Variants in WDPCP observed in about 807,000 individuals in gnomAD.
WDPCP encodes WD repeat-containing and planar cell polarity effector protein fritz homolog.
In WDPCP, 71 loss-of-function variants were observed where a neutral mutation model predicts 93.1. That is an observed-to-expected ratio of 0.76 (90% confidence interval 0.63 to 0.93). WDPCP has a LOEUF of 0.93. Ranked by LOEUF, WDPCP falls within the 40% of genes least tolerant of loss-of-function variation. The pLI is 0.00. For synonymous variants in WDPCP, 315 were observed against 315.0 expected, an observed-to-expected ratio of 1.00 and a Z score of 0.00; for missense variants, 844 against 887.4, an observed-to-expected ratio of 0.95 and a Z score of 0.62.
intron 2 of WDPCP, among the ~76,000 whole-genome samples, chr2:63,689,380 GTTTTCTCCACTGAAAAGC>G (rs1458965281): frequency 1.3e-5 from 2 of 152,114 alleles, no homozygotes; most frequent in African/African-American, 2.4e-5. Context: ...CTTTGATGCT[GTTTTCTCCACTGAAAAGC>G]TTTTCAGTGG....
chr2:63,333,619 A>G (rs1438249801), intron 12 of WDPCP, among the ~76,000 whole-genome samples: 1 of 152,212 alleles, frequency 6.6e-6, no homozygotes, highest in Non-Finnish European at 1.5e-5. Flanking sequence ...ACCAATTGTC[A>G]ACTAGAAAAT....
chr2:63,508,548 T>C (rs2106065954), intron 1 of WDPCP, among the ~76,000 whole-genome samples: 1 of 152,188 alleles, frequency 6.6e-6, no homozygotes, highest in Non-Finnish European at 1.5e-5. Flanking sequence ...AATAACCAGC[T>C]AACATCATAA....
In WDPCP at chr2:63,414,646, T is replaced by C. The variant is rs116028984; in HGVS notation, c.826-9989A>G. ...CAAGAATGGAAAACCAAAAATCTTA[T>C]GTTCTCACTGATATGTGGGAGCTAA... On this transcript the variant is annotated intron_variant, in intron 9 of 17. Transcript: ENST00000272321. Among the ~76,000 whole-genome samples the C allele has an allele frequency of 3.1e-3, 473 of 152,320 alleles. 4 individuals are homozygous for C. The highest frequency in any genetic ancestry group is 0.011 in the African/African-American group (438 of 41,564).
At chr2:63,773,333 A>G (rs1670257612) in intron 2 of WDPCP, among the ~76,000 whole-genome samples, 1 of 152,090 alleles carries the variant, frequency 6.6e-6, no homozygotes, top group East Asian at 1.9e-4. Flanking sequence ...AAAAGGCCAG[A>G]CATAAGGAGT....
At position 63,404,803 on chromosome 2, in the gene WDPCP, T is replaced by C. The variant is rs953902757; in HGVS notation, c.826-146A>G. 1.6e-5 allele frequency: 15 copies of C among 913,100 alleles called. 1 individual carries two copies. The highest frequency in any genetic ancestry group is 2.3e-5 in the Non-Finnish European group (14 of 597,250). The allele number at this position is 913,100 out of a possible 1,614,324, so 56.6% of individuals were successfully genotyped here. A position where few individuals can be genotyped will look rare whatever the true frequency, so the allele number is the denominator to read the frequency against. On this transcript the variant is annotated intron_variant, in intron 9 of 17. Coordinates refer to ENST00000272321, the MANE Select transcript of WDPCP (RefSeq NM_015910.7). ...GCAACATACAAGTATATAAAGTACATATAGCACATCTATCTCATATACAGC... is the reference window on the plus strand; with the variant it reads ...GCAACATACAAGTATATAAAGTACACATAGCACATCTATCTCATATACAGC...
At chr2:63,828,760 T>C (rs1671151206), upstream of WDPCP, among the ~76,000 whole-genome samples, 1 of 152,170 alleles carries the variant, frequency 6.6e-6, no homozygotes, top group Non-Finnish European at 1.5e-5. Context: ...CTTTGTCTTC[T>C]TCCTATTCAA....
intron 17 of WDPCP, among the ~76,000 whole-genome samples, chr2:63,130,230 G>T (rs1035742677): frequency 1.3e-5 from 2 of 152,076 alleles, no homozygotes; most frequent in South Asian, 2.1e-4. Flanking sequence ...TTCTCCAAGA[G>T]AATTATAGTT....
chr2:63,588,608 C>T (rs577253742), upstream of WDPCP: 2 of 508,902 alleles, frequency 3.9e-6, no homozygotes, highest in Non-Finnish European at 7.1e-6. Context: ...GTCTCAGTCA[C>T]GCGCGTGGGG....
intron 6 of WDPCP, among the ~76,000 whole-genome samples, chr2:63,466,922 A>T (rs1327459468): frequency 2.0e-5 from 3 of 152,226 alleles, no homozygotes; most frequent in African/African-American, 7.2e-5. Flanking sequence ...GAAATGTTTT[A>T]AAATGAAAAC....
intron 1 of WDPCP, among the ~76,000 whole-genome samples, chr2:63,545,054 C>G (rs1436933411): frequency 6.6e-6 from 1 of 152,018 alleles, no homozygotes; most frequent in East Asian, 1.9e-4. Context: ...TCAGGCAAAA[C>G]AGAAAGGTAC....
chr2:63,752,071 C>T, intron 2 of WDPCP: 1 of 609,954 alleles, frequency 1.6e-6, no homozygotes, highest in Non-Finnish European at 3.0e-6. Context: ...GGGTGAAGCA[C>T]TATCCACCTC....
At chr2:63,477,005 C>A (rs886132476) in intron 6 of WDPCP, among the ~76,000 whole-genome samples, 1 of 152,056 alleles carries the variant, frequency 6.6e-6, no homozygotes, top group Non-Finnish European at 1.5e-5. Flanking sequence ...TGGATGGAAA[C>A]CATGGTACAG....
chr2:63,429,336 T>C (rs1446891607), intron 9 of WDPCP, among the ~76,000 whole-genome samples: 1 of 151,728 alleles, frequency 6.6e-6, no homozygotes, highest in East Asian at 1.9e-4. Flanking sequence ...AAACACAAAT[T>C]AAGAGGGGCC....
chr2:63,396,240 T>C (rs1031236113), intron 10 of WDPCP, among the ~76,000 whole-genome samples: 7 of 152,108 alleles, frequency 4.6e-5, no homozygotes, highest in Non-Finnish European at 8.8e-5. Flanking sequence ...CTAATACCAC[T>C]TGGGTAAAGT....
intron 2 of WDPCP, among the ~76,000 whole-genome samples, chr2:63,716,372 C>G (rs1190720203): frequency 6.6e-6 from 1 of 152,162 alleles, no homozygotes; most frequent in African/African-American, 2.4e-5. Flanking sequence ...CTCCTCCCTA[C>G]CCCAGCTAAG....
At chr2:63,356,988 T>C (rs983913125) in intron 12 of WDPCP, among the ~76,000 whole-genome samples, 26 of 152,256 alleles carry the variant, frequency 1.7e-4, no homozygotes, top group African/African-American at 5.1e-4. Flanking sequence ...CACAACCATC[T>C]AACCTCCAAC....
rs1709516617 is a variant in WDPCP, at chr2:63,605,831, T to A, written n.488+44828A>T. The A allele has an allele frequency of 3.4e-6, 3 of 873,996 alleles. No homozygotes were observed. The South Asian group carries it at 4.1e-5, about 12-fold the overall frequency. 54.1% of individuals were successfully genotyped at this position (873,996 alleles called of 1,614,324 possible). On this transcript the variant is annotated intron_variant and non_coding_transcript_variant, in intron 3 of 4. Transcript: ENST00000467687. ...CTGATGATAGTTCCTTACACAGTAA[T>A]GATGTTATGAACATAGTAAGAAAGG...
At position 63,152,797 on chromosome 2, in the gene WDPCP, T is replaced by A. The variant is rs1408617952; in HGVS notation, c.2190+117A>T. On this transcript the variant is annotated intron_variant, in intron 17 of 17. Transcript: ENST00000272321. ...AATATAGACCAGTTAATCTAGTTAA[T>A]GTAGTCCAGTTAATGTAGACCAATA... The A allele has an allele frequency of 3.3e-6, 3 of 914,840 alleles. No homozygotes were observed. The African/African-American group carries it at 5.0e-5, about 15-fold the overall frequency. 56.7% of individuals were successfully genotyped at this position (914,840 alleles called of 1,614,324 possible).
chr2:63,275,035 G>A (rs1682974074), intron 13 of WDPCP, among the ~76,000 whole-genome samples: 1 of 152,080 alleles, frequency 6.6e-6, no homozygotes. Context: ...CAATATACCT[G>A]ATGAACACAG....
Sources: gnomAD v4.1 joint callset for allele counts (sites outside exome capture counted in the v4.1 genomes callset) on GRCh38, gnomAD v4.1.1 for gene constraint, MANE v1.5 for transcripts, NCBI Gene and HGNC (gene_info 2026-07-23, HGNC 2026-07-21) for gene names.